Variants in MED30 observed in about 807,000 individuals in gnomAD.
MED30 encodes the protein mediator of RNA polymerase II transcription subunit 30.
Under a neutral mutation model 21.7 loss-of-function variants are expected in MED30, and 8 were observed. The observed-to-expected ratio is 0.37, with a 90% confidence interval of 0.22 to 0.67. The LOEUF (loss-of-function observed/expected upper bound fraction) is 0.67, where lower values mean the gene tolerates loss of function less well. Among genes scored for constraint, MED30 ranks in the 30% least tolerant of loss-of-function variants. The probability of loss-of-function intolerance (pLI) is 0.58; values close to 1 mark genes in which losing one functional copy is unlikely to be tolerated. For missense variants in MED30, 203 were observed against 228.2 expected, an observed-to-expected ratio of 0.89 and a Z score of 0.71; for synonymous variants, 79 against 86.7, an observed-to-expected ratio of 0.91 and a Z score of 0.49.
At chr8:117,535,239 CT>C (rs957435711) in intron 3 of MED30, among the ~76,000 whole-genome samples, 7,699 of 125,700 alleles carry the variant, frequency 0.061, 123 homozygotes, top group African/African-American at 0.13. Context: ...TCCATTGATA[CT>C]TTTTTTTTTT....
At chr8:117,538,212 C>G (rs1366952548) in intron 3 of MED30, among the ~76,000 whole-genome samples, 1 of 152,148 alleles carries the variant, frequency 6.6e-6, no homozygotes, top group Non-Finnish European at 1.5e-5. Context: ...GGGAGACTAA[C>G]TAAAAATACC....
chr8:117,533,895 A>G (rs1198551225), intron 3 of MED30, among the ~76,000 whole-genome samples: 1 of 152,152 alleles, frequency 6.6e-6, no homozygotes, highest in Non-Finnish European at 1.5e-5. Flanking sequence ...GGTGATGTGC[A>G]TACATCAGTG....
chr8:117,535,066 C>G (rs1262330160), intron 3 of MED30, among the ~76,000 whole-genome samples: 1 of 151,824 alleles, frequency 6.6e-6, no homozygotes, highest in Non-Finnish European at 1.5e-5. Flanking sequence ...GGATTTAGCT[C>G]TCTACAGCCT....
chr8:117,536,152 C>T (rs112937504), intron 3 of MED30, among the ~76,000 whole-genome samples: 9 of 152,178 alleles, frequency 5.9e-5, no homozygotes, highest in African/African-American at 1.2e-4. Flanking sequence ...GATGTGTTGT[C>T]GGCTATATAC....
At chr8:117,521,180 C>G in intron 1 of MED30, 127 bp downstream of exon 1, 2 of 809,066 alleles carry the variant, frequency 2.5e-6, no homozygotes, top group South Asian at 2.2e-5. Context: ...TGTAGGGTCT[C>G]CCCCATTCAC....
At chr8:117,526,004 G>GA (rs1216771077) in intron 1 of MED30, among the ~76,000 whole-genome samples, 2 of 151,920 alleles carry the variant, frequency 1.3e-5, no homozygotes, top group African/African-American at 4.8e-5. Flanking sequence ...TACTAACCAA[G>GA]AACATGCAGT....
At chr8:117,529,624 G>A (rs146025318) in intron 2 of MED30, among the ~76,000 whole-genome samples, 1,939 of 151,980 alleles carry the variant, frequency 0.013, 14 homozygotes, top group Non-Finnish European at 0.019. Context: ...AGCTGGAGCC[G>A]GCAAGTGGAT....
chr8:117,533,645 G>A (rs1209685442), intron 3 of MED30, among the ~76,000 whole-genome samples: 1 of 151,888 alleles, frequency 6.6e-6, no homozygotes, highest in East Asian at 1.9e-4. Flanking sequence ...TAAAATTTTA[G>A]TTAGTTTTTT....
Position 117,520,964 on chromosome 8 carries a change from A to G in MED30, c.88A>G (p.Thr30Ala), listed in dbSNP as rs1033215147. Reference protein sequence around the residue: ...QAQQAAREVNTASLCRIGQET... With the variant: ...QAQQAAREVNAASLCRIGQET... ...TCAGCAGGCCGCCCGGGAAGTCAAC[A>G]CGGCGTCGCTGTGCCGCATCGGGCA... Residue 30 changes from threonine (T) to alanine (A), a missense_variant, in exon 1 of 4, where the codon ACG becomes GCG. Coordinates refer to ENST00000297347, the MANE Select transcript of MED30 (RefSeq NM_080651.4). The G allele has an allele frequency of 2.5e-6, 4 of 1,612,906 alleles. No individual in the cohort carries two copies. The highest frequency in any genetic ancestry group is 3.4e-6 in the Non-Finnish European group (4 of 1,179,492).
intron 3 of MED30, among the ~76,000 whole-genome samples, chr8:117,536,790 G>A (rs1351704629): frequency 6.6e-6 from 1 of 152,200 alleles, no homozygotes; most frequent in African/African-American, 2.4e-5. Flanking sequence ...ACTTGTTTGA[G>A]ACCATATGCT....
Position 117,533,696 on chromosome 8 carries a change from C to T in MED30, c.441+2869C>T, listed in dbSNP as rs1017322312. Among the ~76,000 whole-genome samples, 3 of 152,134 alleles carry T rather than the reference C, an allele frequency of 2.0e-5. No homozygotes were observed. In the South Asian group the frequency reaches 6.2e-4, roughly 32 times the overall value. The stretch of plus-strand genomic sequence containing the variant: ...CATCTCAGTACTATTTTCCAATTTT[C>T]CACAGTCAGAATCATCAGACAGTTT... On this transcript the variant is annotated intron_variant, in intron 3 of 3. Coordinates refer to ENST00000297347, the MANE Select transcript of MED30 (RefSeq NM_080651.4).
intron 3 of MED30, 39 bp downstream of exon 3, chr8:117,530,866 T>C (rs374271074): frequency 4.2e-6 from 6 of 1,416,796 alleles, no homozygotes; most frequent in Admixed American, 1.9e-5. Context: ...TTTAGAGTTA[T>C]TGATAAAAAT....
Position 117,528,704 on chromosome 8 carries a change from G to A in MED30, c.231G>A (p.Lys77=). 14 of 1,610,134 alleles carry A rather than the reference G, an allele frequency of 8.7e-6. No homozygotes were observed. Among genetic ancestry groups the A allele is most frequent in the Non-Finnish European group, 1.2e-5 (14 of 1,178,178 alleles). ...GAACATATCAAGACCGGTTAACAAA[G>A]CTACAGGATAATCTTCGCCAACTTT... ...HTGTYQDRLT[K]LQDNLRQLSV... is the part of the protein sequence containing the mutation. The change falls in exon 2 of 4, where the codon AAG becomes AAA. Residue 77 remains lysine, a synonymous_variant. Transcript: ENST00000297347.
chr8:117,533,740 C>T (rs1317871613), intron 3 of MED30, among the ~76,000 whole-genome samples: 1 of 152,294 alleles, frequency 6.6e-6, no homozygotes, highest in Non-Finnish European at 1.5e-5. Flanking sequence ...TCATCCCACC[C>T]TCCCAAGTTT....
In MED30 at chr8:117,530,983, AG is replaced by A. The variant is rs367766235; in HGVS notation, c.441+158del. Among the ~76,000 whole-genome samples the A allele has an allele frequency of 3.3e-3, 495 of 152,208 alleles. 2 individuals carry two copies. Among genetic ancestry groups the A allele is most frequent in the African/African-American group, 0.012 (482 of 41,582 alleles). Reference sequence around the variant, plus strand: ...ATTTAGAATACAGCCAAGAAATGAAAGGTAAGCAGAAATGCTGTCTGAATAG... The same window carrying A: ...ATTTAGAATACAGCCAAGAAATGAAAGTAAGCAGAAATGCTGTCTGAATAG... On this transcript the variant is annotated intron_variant, in intron 3 of 3. Transcript: ENST00000297347.
intron 1 of MED30, among the ~76,000 whole-genome samples, chr8:117,526,109 C>T (rs1277760854): frequency 1.3e-5 from 2 of 151,802 alleles, no homozygotes; most frequent in Non-Finnish European, 2.9e-5. Context: ...TTTTCTGTTG[C>T]CATTGTAAAT....
Position 117,539,995 on chromosome 8 carries a change from C to T in MED30, c.*17C>T. On this transcript the variant is annotated 3_prime_UTR_variant, in exon 4 of 4. Transcript: ENST00000297347. ...AGGAACTAAGCTGATATTTAAATTT[C>T]CTGCTTTACACATGTTATACCATTG... The T allele has an allele frequency of 6.9e-7, 1 of 1,459,502 alleles. No individual in the cohort carries two copies. The highest frequency in any genetic ancestry group is 9.5e-7 in the Non-Finnish European group (1 of 1,050,324). 90.4% of individuals were successfully genotyped at this position (1,459,502 alleles called of 1,614,324 possible).
At chr8:117,521,231 G>A (rs1818612228) in intron 1 of MED30, among the ~76,000 whole-genome samples, 178 bp downstream of exon 1, 1 of 152,158 alleles carries the variant, frequency 6.6e-6, no homozygotes, top group Admixed American at 6.5e-5. Flanking sequence ...TAGAGGTGAT[G>A]TTTTCCAGAC....
At chr8:117,534,290 C>T (rs1266216275) in intron 3 of MED30, among the ~76,000 whole-genome samples, 1 of 152,140 alleles carries the variant, frequency 6.6e-6, no homozygotes, top group African/African-American at 2.4e-5. Flanking sequence ...CCTTTCTGAT[C>T]ACTTTTCTCT....
Sources: gnomAD v4.1 joint callset for allele counts (sites outside exome capture counted in the v4.1 genomes callset) on GRCh38, gnomAD v4.1.1 for gene constraint, MANE v1.5 for transcripts, NCBI Gene and HGNC (gene_info 2026-07-23, HGNC 2026-07-21) for gene names.